MIB1: variants seen among roughly 807,000 people sequenced by gnomAD.
The protein encoded by MIB1 is MIB E3 ubiquitin protein ligase 1, also known as E3 ubiquitin-protein ligase MIB1.
MIB1 carries 278 observed loss-of-function variants against 124.5 expected under a neutral mutation model. The observed-to-expected ratio is 2.23, with a 90% CI of 2.02 to 2.47. The LOEUF (loss-of-function observed/expected upper bound fraction) is 2.47, where lower values mean the gene tolerates loss of function less well. Ranked by LOEUF, MIB1 falls within the 30% of genes most tolerant of loss-of-function variation. MIB1 has a pLI of 0.00. For synonymous variants in MIB1, 446 were observed against 429.4 expected, an observed-to-expected ratio of 1.04 and a Z score of -0.48; for missense variants, 957 against 1,254.4, an observed-to-expected ratio of 0.76 and a Z score of 3.58.
intron 4 of MIB1, 108 bp downstream of exon 4, chr18:21,773,836 T>C (rs1380109347): frequency 3.2e-6 from 2 of 628,942 alleles, no homozygotes; most frequent in African/African-American, 1.9e-5. Context: ...TCAGAACCTT[T>C]ACGTTTTTAC....
intron 2 of MIB1, 141 bp downstream of exon 2, chr18:21,766,084 G>A (rs1232934952): frequency 1.4e-6 from 1 of 736,580 alleles, no homozygotes; most frequent in East Asian, 2.6e-5. Context: ...TAGGATAGAA[G>A]TGGACCAAAT....
intron 1 of MIB1, among the ~76,000 whole-genome samples, chr18:21,748,036 T>C (rs2040930769): frequency 6.6e-6 from 1 of 152,176 alleles, no homozygotes; most frequent in Admixed American, 6.5e-5. Flanking sequence ...AGAGATTAGA[T>C]AGATATTATC....
intron 1 of MIB1, among the ~76,000 whole-genome samples, chr18:21,726,563 A>G (rs1227071823): frequency 1.3e-5 from 2 of 152,186 alleles, no homozygotes; most frequent in East Asian, 3.8e-4. Context: ...CCGTAATTAT[A>G]AAAGATGATA....
chr18:21,731,462 G>A (rs776744677), intron 1 of MIB1, among the ~76,000 whole-genome samples: 2 of 152,116 alleles, frequency 1.3e-5, no homozygotes, highest in African/African-American at 2.4e-5. Flanking sequence ...GGCCAGGCGC[G>A]GTGGCTCATG....
At chr18:21,856,953 G>A (rs948857195) in intron 18 of MIB1, among the ~76,000 whole-genome samples, 177 bp from the exon 19 acceptor site, 13 of 152,182 alleles carry the variant, frequency 8.5e-5, no homozygotes, top group African/African-American at 2.7e-4. Flanking sequence ...GGAGGCTACC[G>A]ATGGAGAATA....
intron 9 of MIB1, among the ~76,000 whole-genome samples, chr18:21,801,746 G>A (rs1201928437): frequency 6.6e-6 from 1 of 151,826 alleles, no homozygotes; most frequent in African/African-American, 2.4e-5. Flanking sequence ...TCAATTGCTC[G>A]AGACATTTAG....
At chr18:21,786,250 C>T (rs551466960) in intron 6 of MIB1, among the ~76,000 whole-genome samples, 38 of 152,216 alleles carry the variant, frequency 2.5e-4, no homozygotes, top group African/African-American at 3.1e-4. Context: ...GCGCCTGCCA[C>T]GACACCTGGC....
At chr18:21,730,235 T>A (rs191682603) in intron 1 of MIB1, among the ~76,000 whole-genome samples, 11 of 152,300 alleles carry the variant, frequency 7.2e-5, no homozygotes, top group Non-Finnish European at 4.4e-5. Flanking sequence ...TTTCTTCGGC[T>A]CATATTTCTC....
intron 12 of MIB1, among the ~76,000 whole-genome samples, chr18:21,837,508 A>T (rs1040693497): frequency 1.3e-5 from 2 of 152,240 alleles, no homozygotes; most frequent in African/African-American, 4.8e-5. Flanking sequence ...ACTCCGTCTC[A>T]GGAAAACAAA....
Position 21,765,879 on chromosome 18 carries a change from T to C in MIB1, c.337T>C (p.Tyr113His). The C allele has an allele frequency of 6.2e-7, 1 of 1,614,144 alleles. No individual in the cohort carries two copies. The highest frequency in any genetic ancestry group is 1.1e-5 in the South Asian group (1 of 91,080). Reference protein sequence around the residue: ...CTNYDLCTVCYHGDKHHLRHR... With the variant: ...CTNYDLCTVCHHGDKHHLRHR... ...AAATTATGATTTGTGCACAGTGTGT[T>C]ATCATGGAGATAAACATCATTTAAG... Residue 113 changes from tyrosine to histidine, a missense_variant, in exon 2 of 21, where the codon TAT (tyrosine) becomes CAT (histidine). By Grantham distance (83) the Tyr-to-His change is moderately conservative (BLOSUM62 2). Coordinates refer to ENST00000261537, the MANE Select transcript of MIB1 (RefSeq NM_020774.4).
rs1293425161 is a variant in MIB1 at position 21,868,767 on chromosome 18, A to G, written c.*4101A>G. On this transcript the variant is annotated 3_prime_UTR_variant, in exon 21 of 21. Transcript: ENST00000261537. ...TTAACATATATATAACTATAGCAGT[A>G]TTAATAATGATAGTTGTACTTCTTT... 1 of 152,478 alleles carries G rather than the reference A, an allele frequency of 6.6e-6. No individual in the cohort carries two copies. Among genetic ancestry groups the G allele is most frequent in the East Asian group, 1.9e-4 (1 of 5,202 alleles). The allele number at this position is 152,478 out of a possible 1,614,324, so 9.4% of individuals were successfully genotyped here.
At chr18:21,816,898 G>A (rs746474513) in intron 11 of MIB1, among the ~76,000 whole-genome samples, 3 of 151,976 alleles carry the variant, frequency 2.0e-5, no homozygotes, top group African/African-American at 7.3e-5. Flanking sequence ...AATTGGGGGG[G>A]TGTTAATCTG....
In MIB1 at chr18:21,865,214, A is replaced by T. The variant is rs1334873092; in HGVS notation, c.*548A>T. The T allele has an allele frequency of 6.6e-6, 1 of 152,206 alleles. No individual in the cohort carries two copies. Among genetic ancestry groups the T allele is most frequent in the Admixed American group, 6.5e-5 (1 of 15,280 alleles). The allele number at this position is 152,206 out of a possible 1,614,324, so 9.4% of individuals were successfully genotyped here. A position where few individuals can be genotyped will look rare whatever the true frequency, so the allele number is the denominator to read the frequency against. ...TTTAAGATAACAGGAAGTTACCCAC[A>T]TGTTTGTTTCTGAATTCTTAGAGTA... is the stretch of plus-strand genomic sequence containing the variant. On this transcript the variant is annotated 3_prime_UTR_variant, in exon 21 of 21. Coordinates refer to ENST00000261537, the MANE Select transcript of MIB1 (RefSeq NM_020774.4).
chr18:21,825,887 C>A, intron 12 of MIB1: 1 of 373,882 alleles, frequency 2.7e-6, no homozygotes. Flanking sequence ...ACCAATGCTT[C>A]AGTCACTGAA....
chr18:21,788,643 A>G (rs767353490), intron 6 of MIB1, among the ~76,000 whole-genome samples: 19 of 152,242 alleles, frequency 1.2e-4, no homozygotes, highest in Non-Finnish European at 2.1e-4. Context: ...AAAGAAATAA[A>G]AGGAAGAAGT....
At chr18:21,845,684 T>C (rs1186967960) in intron 15 of MIB1, among the ~76,000 whole-genome samples, 2 of 151,868 alleles carry the variant, frequency 1.3e-5, no homozygotes, top group Admixed American at 1.3e-4. Flanking sequence ...AGTGCAATGG[T>C]GTGATCTTGG....
chr18:21,783,134 C>T, intron 6 of MIB1, among the ~76,000 whole-genome samples: 1 of 151,852 alleles, frequency 6.6e-6, no homozygotes, highest in South Asian at 2.1e-4. Context: ...TTTTTCCATC[C>T]CTTCACTTTC....
At position 21,865,685 on chromosome 18, in the gene MIB1, A is replaced by G. The variant is rs138681506; in HGVS notation, c.*1019A>G. The G allele has an allele frequency of 7.3e-4, 112 of 152,740 alleles. No homozygotes were observed. Among genetic ancestry groups the G allele is most frequent in the Admixed American group, 7.8e-4 (12 of 15,298 alleles). 9.5% of individuals were successfully genotyped at this position (152,740 alleles called of 1,614,324 possible). On this transcript the variant is annotated 3_prime_UTR_variant, in exon 21 of 21. Coordinates refer to ENST00000261537, the MANE Select transcript of MIB1 (RefSeq NM_020774.4). Reference sequence around the variant, plus strand: ...CTTCTCTGTATCAGTTAATTCTGACAGTGTTAGTGATTCTGTCTTCATTAT... The same window carrying G: ...CTTCTCTGTATCAGTTAATTCTGACGGTGTTAGTGATTCTGTCTTCATTAT...
At chr18:21,843,256 T>G in intron 14 of MIB1, 39 bp downstream of exon 14, 1 of 1,408,496 alleles carries the variant, frequency 7.1e-7, no homozygotes, top group Non-Finnish European at 9.7e-7. Flanking sequence ...TAATTACATT[T>G]TAACCATACA....
Sources: gnomAD v4.1 joint callset for allele counts (sites outside exome capture counted in the v4.1 genomes callset) on GRCh38, gnomAD v4.1.1 for gene constraint, MANE v1.5 for transcripts, NCBI Gene and HGNC (gene_info 2026-07-23, HGNC 2026-07-21) for gene names.